KCNMA1: variants seen among roughly 807,000 people sequenced by gnomAD.
The protein encoded by KCNMA1 is Calcium-activated potassium channel subunit alpha-1.
KCNMA1 carries 29 observed loss-of-function variants against 140.0 expected under a neutral mutation model. That is an observed-to-expected ratio of 0.21 (90% CI 0.15 to 0.28). The LOEUF (loss-of-function observed/expected upper bound fraction) is 0.28, where lower values mean the gene tolerates loss of function less well. KCNMA1 is among the 10% of genes least tolerant of loss of function. KCNMA1 has a pLI of 1.00. For missense variants in KCNMA1, 880 were observed against 1,602.2 expected, an observed-to-expected ratio of 0.55 and a Z score of 7.70; for synonymous variants, 612 against 611.9, an observed-to-expected ratio of 1.00 and a Z score of 0.00.
intron 2 of KCNMA1, among the ~76,000 whole-genome samples, chr10:77,269,894 C>T (rs907533728): frequency 3.3e-5 from 5 of 152,176 alleles, no homozygotes; most frequent in Admixed American, 3.3e-4. Context: ...AGGGAGGCTG[C>T]CCCAAGCTGT....
At chr10:76,928,586 T>C (rs1354767006) in intron 23 of KCNMA1, among the ~76,000 whole-genome samples, 1 of 152,216 alleles carries the variant, frequency 6.6e-6, no homozygotes, top group African/African-American at 2.4e-5. Context: ...ATAATATTTA[T>C]ATTCCGACTA....
chr10:77,512,513 A>G (rs1304415997), intron 1 of KCNMA1, among the ~76,000 whole-genome samples: 2 of 152,232 alleles, frequency 1.3e-5, no homozygotes, highest in African/African-American at 2.4e-5. Flanking sequence ...AAAACACAGT[A>G]TATACAGGTA....
intron 15 of KCNMA1, among the ~76,000 whole-genome samples, chr10:77,037,499 G>A (rs1422366088): frequency 6.6e-6 from 1 of 152,168 alleles, no homozygotes; most frequent in African/African-American, 2.4e-5. Flanking sequence ...CCTGTAGGGG[G>A]AGCAGTCCTG....
At chr10:77,243,990 C>T (rs1397887444) in intron 3 of KCNMA1, among the ~76,000 whole-genome samples, 1 of 152,192 alleles carries the variant, frequency 6.6e-6, no homozygotes, top group South Asian at 2.1e-4. Context: ...TATCTTTGTT[C>T]TTTCCCATGG....
chr10:77,480,811 T>C (rs2098379237), intron 1 of KCNMA1, among the ~76,000 whole-genome samples: 2 of 151,942 alleles, frequency 1.3e-5, no homozygotes, highest in Non-Finnish European at 1.5e-5. Flanking sequence ...GGTGAACACA[T>C]AAAGACACAC....
At chr10:77,085,762 T>A (rs2096675999) in intron 11 of KCNMA1, among the ~76,000 whole-genome samples, 1 of 152,228 alleles carries the variant, frequency 6.6e-6, no homozygotes, top group Admixed American at 6.5e-5. Context: ...GTGACCACAG[T>A]TAGCATTTAG....
intron 3 of KCNMA1, among the ~76,000 whole-genome samples, chr10:77,196,990 G>T (rs914411171): frequency 3.0e-4 from 45 of 151,988 alleles, no homozygotes; most frequent in African/African-American, 1.0e-3. Flanking sequence ...ATAAGGAAAA[G>T]AAAGCAGTTT....
At chr10:77,625,360 G>A (rs552291133) in intron 1 of KCNMA1, among the ~76,000 whole-genome samples, 11 of 152,084 alleles carry the variant, frequency 7.2e-5, no homozygotes, top group East Asian at 1.9e-4. Context: ...CAGCCTGGGC[G>A]ACAGAGCGAG....
chr10:77,083,855 G>T (rs1164126449), intron 12 of KCNMA1, among the ~76,000 whole-genome samples: 1 of 150,842 alleles, frequency 6.6e-6, no homozygotes, highest in Non-Finnish European at 1.5e-5. Flanking sequence ...AACGGGGGGG[G>T]GTTGGGGGAG....
At position 76,887,089 on chromosome 10, in the gene KCNMA1, T is replaced by G; in HGVS notation, c.*177A>C. On this transcript the variant is annotated 3_prime_UTR_variant, in exon 28 of 28. Coordinates refer to ENST00000286628, the MANE Select transcript of KCNMA1 (RefSeq NM_001161352.2). ...GCTTATTTGCTGTTGTGCTCAAGGGTTTTATGGTGGTGAAATAAAAATGAC... is the reference window on the plus strand; with the variant it reads ...GCTTATTTGCTGTTGTGCTCAAGGGGTTTATGGTGGTGAAATAAAAATGAC... 6.5e-7 allele frequency: 1 copy of G among 1,549,306 alleles called. No individual in the cohort carries two copies. The highest frequency in any genetic ancestry group is 1.4e-5 in the African/African-American group (1 of 73,686).
At chr10:77,278,990 G>T (rs2067529605) in intron 2 of KCNMA1, among the ~76,000 whole-genome samples, 1 of 152,120 alleles carries the variant, frequency 6.6e-6, no homozygotes, top group South Asian at 2.1e-4. Flanking sequence ...GTCCATTTTA[G>T]ATGAGTAGAT....
chr10:77,284,118 G>A (rs552511665), intron 2 of KCNMA1, among the ~76,000 whole-genome samples: 3 of 152,274 alleles, frequency 2.0e-5, no homozygotes, highest in East Asian at 3.9e-4. Context: ...GACCAGGGCT[G>A]GACACTGAGG....
chr10:77,158,500 T>C (rs1028031498), intron 5 of KCNMA1, among the ~76,000 whole-genome samples: 13 of 152,192 alleles, frequency 8.5e-5, no homozygotes, highest in Admixed American at 3.9e-4. Context: ...CCCCTTTTCA[T>C]GGAAGTGAGA....
chr10:77,189,034 C>T (rs1210298539), intron 3 of KCNMA1, among the ~76,000 whole-genome samples: 1 of 152,110 alleles, frequency 6.6e-6, no homozygotes, highest in East Asian at 1.9e-4. Context: ...GGTAGTGGTT[C>T]TCAAACTTTG....
At chr10:77,526,135 G>A (rs758865141) in intron 1 of KCNMA1, among the ~76,000 whole-genome samples, 6 of 152,166 alleles carry the variant, frequency 3.9e-5, no homozygotes, top group African/African-American at 1.4e-4. Context: ...ATCAGACTTG[G>A]TATAAAGCTG....
chr10:77,046,870 C>T (rs1482705031), intron 14 of KCNMA1, among the ~76,000 whole-genome samples: 1 of 152,212 alleles, frequency 6.6e-6, no homozygotes. Context: ...CACTGCACAG[C>T]TTTCTGGGGT....
chr10:77,377,862 C>G (rs1307212534), intron 2 of KCNMA1, among the ~76,000 whole-genome samples: 1 of 152,194 alleles, frequency 6.6e-6, no homozygotes, highest in Non-Finnish European at 1.5e-5. Flanking sequence ...GTGCCTAGCT[C>G]CTAGTCTGGG....
rs190332785 is a variant in KCNMA1 at position 77,236,644 on chromosome 10, G to A, written c.602+14551C>T. ...TTCCACAGTAAGAAACAGAGTTTAC[G>A]TCACAAATCAGTACATTTATACAGT... On this transcript the variant is annotated intron_variant, in intron 3 of 27. Transcript: ENST00000286628. Among the ~76,000 whole-genome samples the A allele has an allele frequency of 5.1e-4, 77 of 152,290 alleles. 1 individual carries two copies. Among genetic ancestry groups the A allele is most frequent in the East Asian group, 2.1e-3 (11 of 5,190 alleles).
chr10:77,610,302 T>C (rs1020580743), intron 1 of KCNMA1, among the ~76,000 whole-genome samples: 17 of 152,362 alleles, frequency 1.1e-4, no homozygotes, highest in African/African-American at 4.1e-4. Context: ...CCACACACAC[T>C]GAAACCCAAC....
Sources: gnomAD v4.1 joint callset for allele counts (sites outside exome capture counted in the v4.1 genomes callset) on GRCh38, gnomAD v4.1.1 for gene constraint, MANE v1.5 for transcripts, NCBI Gene and HGNC (gene_info 2026-07-23, HGNC 2026-07-21) for gene names.